Variants in DSG4 observed in about 807,000 individuals in gnomAD.
DSG4 encodes desmoglein-4.
Under a neutral mutation model 93.1 loss-of-function variants are expected in DSG4, and 87 were observed. The ratio of observed to expected loss-of-function variants is 0.93; its 90% CI spans 0.79 to 1.12. DSG4 has a LOEUF of 1.12. DSG4 is among the 50% of genes most tolerant of loss of function. DSG4 has a pLI of 0.00. For synonymous variants in DSG4, 432 were observed against 452.9 expected, an observed-to-expected ratio of 0.95 and a Z score of 0.59; for missense variants, 1,373 against 1,285.7, an observed-to-expected ratio of 1.07 and a Z score of -1.04.
chr18:31,385,125 T>C lies in DSG4; in HGVS notation c.49-11T>C. 6.2e-7 allele frequency: 1 copy of C among 1,601,304 alleles called. No homozygotes were observed. The highest frequency in any genetic ancestry group is 8.5e-7 in the Non-Finnish European group (1 of 1,170,910). On this transcript the variant is annotated splice_polypyrimidine_tract_variant and intron_variant, in intron 1 of 15. Coordinates refer to ENST00000308128, the MANE Select transcript of DSG4 (RefSeq NM_177986.5). ...AAATTTATGCTAATGTGGTATCTTCTATCAAAACAGGTGGTGATGGAAGTA... is the reference window on the plus strand; with the variant it reads ...AAATTTATGCTAATGTGGTATCTTCCATCAAAACAGGTGGTGATGGAAGTA...
intron 12 of DSG4, among the ~76,000 whole-genome samples, chr18:31,408,724 T>G (rs2144214251): frequency 6.6e-6 from 1 of 152,322 alleles, no homozygotes; most frequent in Non-Finnish European, 1.5e-5. Flanking sequence ...GTAAAATGCA[T>G]GCCATGCTAG....
chr18:31,406,906 T>C (rs987077928), intron 12 of DSG4, among the ~76,000 whole-genome samples: 1 of 151,744 alleles, frequency 6.6e-6, no homozygotes, highest in African/African-American at 2.4e-5. Flanking sequence ...GCCTCCCGAG[T>C]AGCTGGGACT....
At chr18:31,400,433 C>T (rs1291656548) in intron 9 of DSG4, among the ~76,000 whole-genome samples, 2 of 152,110 alleles carry the variant, frequency 1.3e-5, no homozygotes, top group Non-Finnish European at 2.9e-5. Flanking sequence ...TCCAGATAGT[C>T]ACACTGAACA....
chr18:31,403,720 C>A, intron 11 of DSG4, 86 bp downstream of exon 11: 3 of 1,185,264 alleles, frequency 2.5e-6, no homozygotes, highest in Non-Finnish European at 3.7e-6. Flanking sequence ...CTTAATAAAA[C>A]ATTCTACTTC....
intron 7 of DSG4, among the ~76,000 whole-genome samples, 184 bp downstream of exon 7, chr18:31,391,396 C>T (rs1262668057): frequency 6.6e-6 from 1 of 152,078 alleles, no homozygotes; most frequent in Non-Finnish European, 1.5e-5. Context: ...GTATGTTTGT[C>T]TTTGACTCAC....
chr18:31,386,124 T>C (rs1459727817), intron 2 of DSG4, among the ~76,000 whole-genome samples: 1 of 152,076 alleles, frequency 6.6e-6, no homozygotes, highest in African/African-American at 2.4e-5. Flanking sequence ...ATTGGAGGAA[T>C]CATCAATTCC....
chr18:31,408,726 C>T (rs1203757458), intron 12 of DSG4, among the ~76,000 whole-genome samples: 1 of 152,092 alleles, frequency 6.6e-6, no homozygotes, highest in Non-Finnish European at 1.5e-5. Flanking sequence ...AAAATGCATG[C>T]CATGCTAGAG....
chr18:31,394,987 A>G (rs1469271860), intron 8 of DSG4, among the ~76,000 whole-genome samples: 1 of 152,162 alleles, frequency 6.6e-6, no homozygotes, highest in Non-Finnish European at 1.5e-5. Context: ...AATTTTGTGC[A>G]TAAAGAACCT....
At chr18:31,410,392 T>C (rs2072473587) in intron 14 of DSG4, among the ~76,000 whole-genome samples, 2 of 151,596 alleles carry the variant, frequency 1.3e-5, no homozygotes, top group South Asian at 4.2e-4. Context: ...ATATATAACA[T>C]ACATGTGTAT....
chr18:31,383,823 C>T (rs763439533), intron 1 of DSG4, among the ~76,000 whole-genome samples: 1 of 152,020 alleles, frequency 6.6e-6, no homozygotes, highest in South Asian at 2.1e-4. Context: ...AAAATATTGA[C>T]GTCAATATTG....
intron 9 of DSG4, among the ~76,000 whole-genome samples, chr18:31,399,994 C>T (rs969721841): frequency 3.3e-5 from 5 of 151,838 alleles, no homozygotes; most frequent in Non-Finnish European, 7.4e-5. Context: ...ATCATAGAAG[C>T]GAAAAACAGT....
At chr18:31,384,777 C>T (rs779014115) in intron 1 of DSG4, among the ~76,000 whole-genome samples, 1 of 152,128 alleles carries the variant, frequency 6.6e-6, no homozygotes, top group African/African-American at 2.4e-5. Context: ...AATGCTCTTC[C>T]TCATCAATTC....
chr18:31,376,845 C>T lies in DSG4; in HGVS notation c.-67C>T. The stretch of plus-strand genomic sequence containing the variant: ...GCATATCTTTCTGTAGAGCAGAATT[C>T]GGAACTGAGAAGACGAGGGCTCAAA... On this transcript the variant is annotated 5_prime_UTR_variant, in exon 1 of 16. Coordinates refer to ENST00000308128, the MANE Select transcript of DSG4 (RefSeq NM_177986.5). 6 of 1,574,974 alleles carry T rather than the reference C, an allele frequency of 3.8e-6. No individual in the cohort carries two copies. The highest frequency in any genetic ancestry group is 5.2e-6 in the Non-Finnish European group (6 of 1,145,204).
rs142245695 is a variant in DSG4, at chr18:31,406,341, G to A, written c.1901G>A (p.Gly634Asp). Residue 634 changes from glycine to aspartate, a missense_variant, in exon 12 of 16, where the codon GGC becomes GAC. Physicochemically the swap from Gly to Asp is moderately conservative, Grantham distance 94. Transcript: ENST00000308128. ...GTTGGTCTTGGACCAGCAGGGATTG[G>A]CATGATGGTTCTGGGCATCCTGCTA... ...SNVGLGPAGI[G>D]MMVLGILLLI... 422 of 1,614,062 alleles carry A rather than the reference G, an allele frequency of 2.6e-4. 1 individual carries two copies. The highest frequency in any genetic ancestry group is 3.5e-4 in the Non-Finnish European group (414 of 1,180,044).
chr18:31,409,799 G>A lies in DSG4; in HGVS notation c.2128G>A (p.Asp710Asn). The A allele has an allele frequency of 1.2e-6, 2 of 1,614,090 alleles. No homozygotes were observed. Among genetic ancestry groups the A allele is most frequent in the Non-Finnish European group, 1.7e-6 (2 of 1,180,026 alleles). Residue 710 changes from aspartate (D) to asparagine (N), a missense_variant, in exon 14 of 16, where the codon GAT (aspartate) becomes AAT (asparagine). Asp to Asn is a conservative substitution (Grantham distance 23, BLOSUM62 1). Transcript: ENST00000308128. The stretch of plus-strand genomic sequence containing the variant: ...AGCCTCAAATACCCAGGATCGGATG[G>A]ATTCCTCTGGTCAGTAGACACCAAA... ...MTASNTQDRM[D>N]SSEIYTNTYA... is the part of the protein sequence containing the mutation.
At chr18:31,383,004 ACAGACAAG>A (rs1280112601) in intron 1 of DSG4, among the ~76,000 whole-genome samples, 5 of 152,222 alleles carry the variant, frequency 3.3e-5, no homozygotes, top group African/African-American at 1.2e-4. Context: ...CGTTTAAACT[ACAGACAAG>A]TCTGCTTGAT....
chr18:31,408,278 T>C (rs2072449465), intron 12 of DSG4, among the ~76,000 whole-genome samples: 1 of 152,222 alleles, frequency 6.6e-6, no homozygotes, highest in South Asian at 2.1e-4. Flanking sequence ...ACACTTCATT[T>C]CATTTATTAG....
At chr18:31,409,150 G>C (rs1033832272) in intron 12 of DSG4, among the ~76,000 whole-genome samples, 1 of 152,098 alleles carries the variant, frequency 6.6e-6, no homozygotes, top group Non-Finnish European at 1.5e-5. Context: ...GCCCCAACCA[G>C]TTCAAGAGTC....
intron 11 of DSG4, among the ~76,000 whole-genome samples, chr18:31,404,229 A>G (rs1433222925): frequency 6.6e-6 from 1 of 152,212 alleles, no homozygotes; most frequent in Admixed American, 6.5e-5. Context: ...TAAAATTAGA[A>G]TTATGCAAAG....
Sources: allele counts gnomAD v4.1 joint callset (sites outside exome capture counted in the v4.1 genomes callset), GRCh38; gene constraint gnomAD v4.1.1; transcripts MANE v1.5; gene names NCBI Gene and HGNC (gene_info 2026-07-23, HGNC 2026-07-21).